KRAS: variants seen among roughly 807,000 people sequenced by gnomAD.
The protein encoded by KRAS is KRas proto-oncogene, GTPase.
A neutral mutation model predicts 21.0 loss-of-function variants in KRAS; 1 was observed. The ratio of observed to expected loss-of-function variants is 0.05; its 90% CI spans 0.02 to 0.23. The LOEUF is 0.23. Ranked by LOEUF, KRAS falls within the 10% of genes least tolerant of loss-of-function variation. The pLI, the probability that KRAS is intolerant of heterozygous loss-of-function variation, is 1.00. For missense variants in KRAS, 107 were observed against 221.8 expected, an observed-to-expected ratio of 0.48 and a Z score of 3.29; for synonymous variants, 67 against 72.5, an observed-to-expected ratio of 0.92 and a Z score of 0.39.
intron 3 of KRAS, 102 bp downstream of exon 3, chr12:25,227,132 A>G (rs1951403786): frequency 5.2e-6 from 4 of 771,024 alleles, no homozygotes; most frequent in Non-Finnish European, 8.1e-6. Context: ...ATTATTTAAA[A>G]ATTTTTATTA....
chr12:25,210,498 T>A (rs946917017), intron 4 of KRAS, among the ~76,000 whole-genome samples: 1 of 152,138 alleles, frequency 6.6e-6, no homozygotes, highest in Non-Finnish European at 1.5e-5. Context: ...AAATGATATA[T>A]ATTAAGGGAT....
chr12:25,214,676 C>A (rs1164178044), intron 4 of KRAS, among the ~76,000 whole-genome samples: 1 of 152,218 alleles, frequency 6.6e-6, no homozygotes, highest in African/African-American at 2.4e-5. Flanking sequence ...GCGTGAGCCA[C>A]CGCGCCCGGC....
chr12:25,245,224 A>T lies in KRAS; in HGVS notation c.111+50T>A. 1 of 1,549,854 alleles carries T rather than the reference A, an allele frequency of 6.5e-7. No homozygotes were observed. The highest frequency in any genetic ancestry group is 2.4e-5 in the East Asian group (1 of 41,814). On this transcript the variant is annotated intron_variant, in intron 2 of 4. Transcript: ENST00000311936. ...AATGGTCAGAGAAACCTTTATCTGTATCAAAGAATGGTCCTGCACCAGTAA... is the reference window on the plus strand; with the variant it reads ...AATGGTCAGAGAAACCTTTATCTGTTTCAAAGAATGGTCCTGCACCAGTAA...
chr12:25,249,294 G>A (rs1346854220), intron 1 of KRAS, among the ~76,000 whole-genome samples: 2 of 152,158 alleles, frequency 1.3e-5, no homozygotes, highest in Non-Finnish European at 2.9e-5. Context: ...TTATTCGGGA[G>A]GCTGAGGCAG....
At chr12:25,237,189 G>A (rs1951554666) in intron 2 of KRAS, among the ~76,000 whole-genome samples, 1 of 152,122 alleles carries the variant, frequency 6.6e-6, no homozygotes. Flanking sequence ...TAATCAGAGT[G>A]GACAAATCCA....
rs780225737 is a variant in KRAS, at chr12:25,209,882, A to T, written c.480T>A (p.Val160=). Residue 160 remains valine, a synonymous_variant, in exon 5 of 5, where the codon GTT becomes GTA. Transcript: ENST00000311936. ...QGVDDAFYTL[V]REIRKHKEKM... is the part of the protein sequence containing the mutation. ...TTTCTTTATGTTTTCGAATTTCTCGAACTAATGTATAGAAGGCATCATCAA... is the reference window on the plus strand; with the variant it reads ...TTTCTTTATGTTTTCGAATTTCTCGTACTAATGTATAGAAGGCATCATCAA... The T allele has an allele frequency of 6.2e-7, 1 of 1,611,318 alleles. No homozygotes were observed. The highest frequency in any genetic ancestry group is 8.5e-7 in the Non-Finnish European group (1 of 1,178,068).
intron 2 of KRAS, among the ~76,000 whole-genome samples, chr12:25,230,233 A>T (rs1951447983): frequency 1.3e-5 from 2 of 152,326 alleles, no homozygotes; most frequent in South Asian, 4.1e-4. Flanking sequence ...TCACAATAAT[A>T]TGTGTTTATG....
Position 25,209,017 on chromosome 12 carries a change from T to C in KRAS, c.*778A>G, listed in dbSNP as rs1473194316. ...CTTTTCAATTATTATAAAAATTTAG[T>C]AGCATGTAAATATAGCCCCAAAATG... On this transcript the variant is annotated 3_prime_UTR_variant, in exon 5 of 5. Coordinates refer to ENST00000311936, the MANE Select transcript of KRAS (RefSeq NM_004985.5). 2 of 372,692 alleles carry C rather than the reference T, an allele frequency of 5.4e-6. No homozygotes were observed. Among genetic ancestry groups the C allele is most frequent in the African/African-American group, 4.2e-5 (2 of 48,176 alleles). The allele number at this position is 372,692 out of a possible 1,614,324, so 23.1% of individuals were successfully genotyped here.
chr12:25,217,317 AT>A (rs1951266860), intron 4 of KRAS, among the ~76,000 whole-genome samples: 1 of 152,210 alleles, frequency 6.6e-6, no homozygotes, highest in Non-Finnish European at 1.5e-5. Context: ...TCTCAGAATT[AT>A]ATTAAGAACT....
chr12:25,232,494 C>T (rs4623993), intron 2 of KRAS, among the ~76,000 whole-genome samples: 28,244 of 151,914 alleles, frequency 0.19, 2,852 homozygotes, highest in African/African-American at 0.27. Context: ...TATGAAAACC[C>T]ATCTGATTTT....
Position 25,206,254 on chromosome 12 carries a change from A to G in KRAS, c.*3541T>C. ...TGATAACCTATAAAAGTTAGGTTCT[A>G]AATTCCTATGCAGTGTGACTCAGTT... On this transcript the variant is annotated 3_prime_UTR_variant, in exon 5 of 5. Coordinates refer to ENST00000311936, the MANE Select transcript of KRAS (RefSeq NM_004985.5). 4.7e-6 allele frequency: 1 copy of G among 211,750 alleles called. No homozygotes were observed. Among genetic ancestry groups the G allele is most frequent in the Non-Finnish European group, 9.6e-6 (1 of 104,424 alleles). 13.1% of individuals were successfully genotyped at this position (211,750 alleles called of 1,614,324 possible). A position where few individuals can be genotyped will look rare whatever the true frequency, so the allele number is the denominator to read the frequency against.
chr12:25,231,657 GTTCTGAGACACA>G (rs1951473158), intron 2 of KRAS, among the ~76,000 whole-genome samples: 1 of 151,852 alleles, frequency 6.6e-6, no homozygotes, highest in African/African-American at 2.4e-5. Flanking sequence ...CGATAGCAAA[GTTCTGAGACACA>G]TTCCGTTTCA....
intron 3 of KRAS, 66 bp from the exon 4 acceptor site, chr12:25,225,839 C>T (rs1238642888): frequency 1.4e-6 from 2 of 1,453,792 alleles, no homozygotes; most frequent in Non-Finnish European, 1.9e-6. Flanking sequence ...AACCTGTCCA[C>T]AACTTTTGTC....
rs1429359258 is a variant in KRAS at position 25,234,299 on chromosome 12, T to A, written c.112-6887A>T. 3 of 178,636 alleles carry A rather than the reference T, an allele frequency of 1.7e-5. No individual in the cohort carries two copies. The South Asian group carries it at 5.9e-4, about 35-fold the overall frequency. The allele number at this position is 178,636 out of a possible 1,614,324, so 11.1% of individuals were successfully genotyped here. On this transcript the variant is annotated intron_variant, in intron 2 of 4. Coordinates refer to ENST00000311936, the MANE Select transcript of KRAS (RefSeq NM_004985.5). ...ACTAGGGAAAAGAATGCAGGAGTCT[T>A]CAACAATATTAACTTTTCTATCTTG...
At chr12:25,227,201 A>G (rs759232354) in intron 3 of KRAS, 33 bp downstream of exon 3, 2 of 1,506,940 alleles carry the variant, frequency 1.3e-6, no homozygotes, top group Admixed American at 3.4e-5. Flanking sequence ...ATTACTCCTT[A>G]ATGTCAGCTT....
chr12:25,245,704 C>T (rs755392406), intron 1 of KRAS, among the ~76,000 whole-genome samples: 1 of 152,120 alleles, frequency 6.6e-6, no homozygotes, highest in African/African-American at 2.4e-5. Flanking sequence ...TGTTCTGCGG[C>T]GGCTAAAGGC....
intron 4 of KRAS, chr12:25,215,091 TAAA>T (rs775121370): frequency 6.0e-3 from 522 of 87,568 alleles, no homozygotes; most frequent in Non-Finnish European, 8.6e-3. Flanking sequence ...TTCTCCCTAC[TAAA>T]AAAAAAAAAA....
At chr12:25,234,383 G>A in intron 2 of KRAS, 1 of 181,036 alleles carries the variant, frequency 5.5e-6, no homozygotes, top group Non-Finnish European at 1.2e-5. Context: ...AGAGCTGGTT[G>A]GTACACACAT....
intron 2 of KRAS, among the ~76,000 whole-genome samples, chr12:25,244,028 G>A (rs1951644616): frequency 6.6e-6 from 1 of 152,260 alleles, no homozygotes; most frequent in Admixed American, 6.5e-5. Flanking sequence ...CCAAAAATAT[G>A]TGACGTTTCC....
Sources: gnomAD v4.1 joint callset for allele counts (sites outside exome capture counted in the v4.1 genomes callset) on GRCh38, gnomAD v4.1.1 for gene constraint, MANE v1.5 for transcripts, NCBI Gene and HGNC (gene_info 2026-07-23, HGNC 2026-07-21) for gene names.